The following MAPK6 variants were observed in gnomAD, a reference collection of about 807,000 sequenced individuals.
MAPK6 encodes the protein ERK-3.
Under a neutral mutation model 59.3 loss-of-function variants are expected in MAPK6, and 19 were observed. That is an observed-to-expected ratio of 0.32 (90% CI 0.22 to 0.47). MAPK6 has a LOEUF of 0.47. MAPK6 is among the 20% of genes least tolerant of loss of function. The probability of loss-of-function intolerance (pLI) is 1.00; values close to 1 mark genes in which losing one functional copy is unlikely to be tolerated. For synonymous variants in MAPK6, 316 were observed against 290.3 expected, an observed-to-expected ratio of 1.09 and a Z score of -0.90; for missense variants, 724 against 847.9, an observed-to-expected ratio of 0.85 and a Z score of 1.81.
At chr15:52,042,711 G>A (rs1325443893) in intron 1 of MAPK6, 2 of 152,184 alleles carry the variant, frequency 1.3e-5, no homozygotes, top group Admixed American at 6.5e-5. Flanking sequence ...AAGTTTGAGA[G>A]AGAACTTGGA....
intron 1 of MAPK6, among the ~76,000 whole-genome samples, chr15:52,032,316 G>A (rs55922236): frequency 0.028 from 4,090 of 145,682 alleles, 76 homozygotes; most frequent in Non-Finnish European, 0.044. Flanking sequence ...TCAGCCTCCC[G>A]AATAGCTGGG....
In MAPK6 at chr15:52,065,128, G is replaced by GT. The variant is rs1300893081; in HGVS notation, c.*134dup. On this transcript the variant is annotated 3_prime_UTR_variant, in exon 6 of 6. Transcript: ENST00000261845. ...TTTAGTAAGGATTTTATGAGTTCTTGTTTTTTAAAATCCAGACTTTCTTTT... is the reference window on the plus strand; with the variant it reads ...TTTAGTAAGGATTTTATGAGTTCTTGTTTTTTTAAAATCCAGACTTTCTTTT... 17 of 856,028 alleles carry GT rather than the reference G, an allele frequency of 2.0e-5. No homozygotes were observed. The Admixed American group carries it at 4.9e-4, about 25-fold the overall frequency. The allele number at this position is 856,028 out of a possible 1,614,324, so 53.0% of individuals were successfully genotyped here. A position where few individuals can be genotyped will look rare whatever the true frequency, so the allele number is the denominator to read the frequency against.
At chr15:52,006,304 A>C (rs897100506) in intron 3 of MAPK6, among the ~76,000 whole-genome samples, 2 of 152,210 alleles carry the variant, frequency 1.3e-5, no homozygotes, top group Non-Finnish European at 2.9e-5. Flanking sequence ...TTCTCCCTGG[A>C]AACCGTAAAA....
chr15:52,032,799 C>T lies in MAPK6; in HGVS notation c.-631-13031C>T, dbSNP rs376027690. ...TCCCAAGTTCAAGTGATTCTCCTGC[C>T]TCAACCTCCCTAGCAGCTGGGATTA... On this transcript the variant is annotated intron_variant, in intron 1 of 5. Coordinates refer to ENST00000261845, the MANE Select transcript of MAPK6 (RefSeq NM_002748.4). 8.5e-5 allele frequency among the ~76,000 whole-genome samples: 13 copies of T among 152,326 alleles called. No individual in the cohort carries two copies. The East Asian group carries it at 2.1e-3, about 25-fold the overall frequency.
chr15:52,021,958 T>A (rs776458599), intron 1 of MAPK6, among the ~76,000 whole-genome samples: 7 of 152,176 alleles, frequency 4.6e-5, no homozygotes, highest in Non-Finnish European at 1.0e-4. Flanking sequence ...TTTTGACTGA[T>A]TTTAAAACAG....
chr15:52,028,173 C>T (rs1227020208), intron 1 of MAPK6, among the ~76,000 whole-genome samples: 1 of 151,834 alleles, frequency 6.6e-6, no homozygotes, highest in Non-Finnish European at 1.5e-5. Flanking sequence ...AGGATGGTCT[C>T]GATCTCCTGA....
chr15:52,064,308 A>C lies in MAPK6; in HGVS notation c.1474A>C (p.Lys492Gln). The C allele has an allele frequency of 6.2e-7, 1 of 1,610,128 alleles. No individual in the cohort carries two copies. Reference sequence around the variant, plus strand: ...CAAAGAAAAATCTGATAAGAAAGGCAAATCAAAATGTGAAAGGAATGGATT... The same window carrying C: ...CAAAGAAAAATCTGATAAGAAAGGCCAATCAAAATGTGAAAGGAATGGATT... ...QSKEKSDKKG[K>Q]SKCERNGLVK... Residue 492 changes from lysine (K) to glutamine (Q), a missense_variant, in exon 6 of 6, where the codon AAA becomes CAA. Physicochemically the swap from Lys to Gln is moderately conservative, Grantham distance 53. Coordinates refer to ENST00000261845, the MANE Select transcript of MAPK6 (RefSeq NM_002748.4).
intron 1 of MAPK6, among the ~76,000 whole-genome samples, chr15:52,025,534 G>C (rs1317376824): frequency 6.6e-6 from 1 of 152,188 alleles, no homozygotes; most frequent in Non-Finnish European, 1.5e-5. Flanking sequence ...TGGGCGCCGT[G>C]GCTCACGCCT....
intron 2 of MAPK6, among the ~76,000 whole-genome samples, chr15:52,002,233 C>T (rs2057244072): frequency 6.6e-6 from 1 of 152,172 alleles, no homozygotes; most frequent in African/African-American, 2.4e-5. Context: ...CCATATATTG[C>T]TTGAGCTAAT....
intron 1 of MAPK6, among the ~76,000 whole-genome samples, chr15:52,041,705 T>A (rs550367219): frequency 6.6e-6 from 1 of 152,236 alleles, no homozygotes; most frequent in East Asian, 1.9e-4. Flanking sequence ...CCCTAAGAGT[T>A]AAGGTGATAA....
intron 3 of MAPK6, among the ~76,000 whole-genome samples, chr15:52,051,609 C>T (rs1596002301): frequency 6.6e-6 from 1 of 152,132 alleles, no homozygotes; most frequent in African/African-American, 2.4e-5. Flanking sequence ...CTCAGTGTCT[C>T]ACGCCTGTAA....
At chr15:52,057,459 C>T (rs1333487719) in intron 3 of MAPK6, among the ~76,000 whole-genome samples, 1 of 152,180 alleles carries the variant, frequency 6.6e-6, no homozygotes, top group African/African-American at 2.4e-5. Context: ...CTGGGCTTCT[C>T]TCCATCTTCC....
chr15:51,987,391 G>T (rs1478108989), intron 2 of MAPK6, among the ~76,000 whole-genome samples: 1 of 152,134 alleles, frequency 6.6e-6, no homozygotes, highest in African/African-American at 2.4e-5. Flanking sequence ...GATCACTTGA[G>T]GTCAGGAGTT....
rs555802994 is a variant in MAPK6 at position 52,019,279 on chromosome 15, C to T, written c.-729C>T. ...GCGGCGACTGCGGCAAAGCGAGAGC[C>T]TCGGAGACGCCGCTGCCGCCAGCAC... is the stretch of plus-strand genomic sequence containing the variant. On this transcript the variant is annotated 5_prime_UTR_variant, in exon 1 of 6. Coordinates refer to ENST00000261845, the MANE Select transcript of MAPK6 (RefSeq NM_002748.4). 4 of 152,226 alleles carry T rather than the reference C, an allele frequency of 2.6e-5. No individual in the cohort carries two copies. Among genetic ancestry groups the T allele is most frequent in the Middle Eastern group, 6.8e-3 (2 of 296 alleles). The allele number at this position is 152,226 out of a possible 1,614,324, so 9.4% of individuals were successfully genotyped here.
In MAPK6 at chr15:52,064,679, G is replaced by A; in HGVS notation, c.1845G>A (p.Lys615=). The A allele has an allele frequency of 1.9e-6, 3 of 1,611,868 alleles. No homozygotes were observed. The highest frequency in any genetic ancestry group is 3.3e-5 in the Admixed American group (2 of 59,992). ...FFINQFCEVR[K]DEQVEKENTY... ...TAAATCAGTTTTGTGAGGTAAGGAAGGATGAACAAGTTGAGAAGGAAAACA... is the reference window on the plus strand; with the variant it reads ...TAAATCAGTTTTGTGAGGTAAGGAAAGATGAACAAGTTGAGAAGGAAAACA... Residue 615 remains lysine (K), a synonymous_variant, in exon 6 of 6, where the codon AAG becomes AAA. Coordinates refer to ENST00000261845, the MANE Select transcript of MAPK6 (RefSeq NM_002748.4).
intron 1 of MAPK6, among the ~76,000 whole-genome samples, chr15:52,021,907 A>C (rs956928531): frequency 6.6e-6 from 1 of 152,184 alleles, no homozygotes; most frequent in Non-Finnish European, 1.5e-5. Context: ...AGATAAGCTG[A>C]ATGTACAGTT....
chr15:52,047,449 G>A (rs1457188747), intron 2 of MAPK6, among the ~76,000 whole-genome samples: 1 of 152,118 alleles, frequency 6.6e-6, no homozygotes, highest in African/African-American at 2.4e-5. Flanking sequence ...GGATTCAAGC[G>A]ATTCTTGTAC....
chr15:51,997,659 C>T (rs1299231895), intron 2 of MAPK6, among the ~76,000 whole-genome samples: 7 of 138,380 alleles, frequency 5.1e-5, no homozygotes, highest in South Asian at 2.3e-4. Context: ...GGCGTGATCT[C>T]GGCTCACTGC....
intron 1 of MAPK6, among the ~76,000 whole-genome samples, chr15:51,976,305 T>C (rs529144753): frequency 6.7e-6 from 1 of 149,586 alleles, no homozygotes; most frequent in East Asian, 2.0e-4. Flanking sequence ...TTATAAACTA[T>C]GTAGAGGTAC....
Sources: allele counts gnomAD v4.1 joint callset (sites outside exome capture counted in the v4.1 genomes callset), GRCh38; gene constraint gnomAD v4.1.1; transcripts MANE v1.5; gene names NCBI Gene and HGNC (gene_info 2026-07-23, HGNC 2026-07-21).